GRIP1: variants seen among roughly 807,000 people sequenced by gnomAD.
GRIP1 encodes the protein glutamate receptor interacting protein 1.
A neutral mutation model predicts 129.9 loss-of-function variants in GRIP1; 45 were observed. The observed-to-expected ratio is 0.35, with a 90% CI of 0.27 to 0.44. The LOEUF is 0.44. Among genes scored for constraint, GRIP1 ranks in the 20% least tolerant of loss-of-function variants. The pLI is 1.00. For synonymous variants in GRIP1, 530 were observed against 520.8 expected (o/e 1.02, Z -0.24); for missense variants, 1,196 against 1,396.8 (o/e 0.86, Z 2.29).
At chr12:67,002,382 T>A (rs377156325) in intron 1 of GRIP1, among the ~76,000 whole-genome samples, 5 of 152,188 alleles carry the variant, frequency 3.3e-5, no homozygotes, top group African/African-American at 7.2e-5. Context: ...CCACAAACTA[T>A]ACCAATAGAA....
chr12:66,455,274 G>C (rs2058923460), intron 11 of GRIP1, 135 bp downstream of exon 11: 1 of 822,572 alleles, frequency 1.2e-6, no homozygotes, highest in South Asian at 1.4e-5. Context: ...TTGGCACAGA[G>C]CTGTTAGCTG....
chr12:66,443,751 T>G (rs1483144993), intron 13 of GRIP1, among the ~76,000 whole-genome samples: 1 of 152,162 alleles, frequency 6.6e-6, no homozygotes, highest in Non-Finnish European at 1.5e-5. Context: ...GTACCATGCC[T>G]GGCCTACTGC....
At chr12:66,540,975 AT>A (rs1359276949) in intron 3 of GRIP1, among the ~76,000 whole-genome samples, 2 of 148,510 alleles carry the variant, frequency 1.3e-5, no homozygotes, top group South Asian at 2.1e-4. Flanking sequence ...TTTTTTTTTA[AT>A]TTTTTTTTTA....
intron 1 of GRIP1, among the ~76,000 whole-genome samples, chr12:66,945,291 G>C (rs2041650000): frequency 6.6e-6 from 1 of 152,292 alleles, no homozygotes; most frequent in East Asian, 1.9e-4. Flanking sequence ...GTAGCCAACA[G>C]GTAGTTTTTT....
At chr12:66,373,883 C>T (rs1007957371) in intron 22 of GRIP1, among the ~76,000 whole-genome samples, 2 of 152,150 alleles carry the variant, frequency 1.3e-5, no homozygotes, top group African/African-American at 4.8e-5. Flanking sequence ...GAAAGAGATG[C>T]GTGGACAAGT....
intron 1 of GRIP1, among the ~76,000 whole-genome samples, chr12:66,597,322 C>A (rs2064092438): frequency 6.6e-6 from 1 of 151,916 alleles, no homozygotes; most frequent in Non-Finnish European, 1.5e-5. Context: ...TCAATGGGCA[C>A]TAAGAATAAT....
At chr12:66,728,619 G>T (rs1379931094) in intron 1 of GRIP1, among the ~76,000 whole-genome samples, 2 of 152,090 alleles carry the variant, frequency 1.3e-5, no homozygotes, top group Admixed American at 6.6e-5. Context: ...ACTCAGAAAA[G>T]AAACTGAGAA....
intron 1 of GRIP1, among the ~76,000 whole-genome samples, chr12:66,997,931 AT>A (rs2042493807): frequency 6.6e-6 from 1 of 152,146 alleles, no homozygotes; most frequent in Admixed American, 6.6e-5. Flanking sequence ...AGGGCTGTTG[AT>A]TTTCATGTGT....
chr12:66,657,751 A>G (rs1477252632), intron 1 of GRIP1, among the ~76,000 whole-genome samples: 5 of 152,156 alleles, frequency 3.3e-5, no homozygotes, highest in African/African-American at 1.2e-4. Context: ...CTATTCCCGC[A>G]TATCTAGCAT....
chr12:66,648,470 T>G (rs76606197), intron 1 of GRIP1, among the ~76,000 whole-genome samples: 10,301 of 152,268 alleles, frequency 0.068, 466 homozygotes, highest in Non-Finnish European at 0.096. Context: ...AGTTGTTCAA[T>G]AAATGTTTGC....
At chr12:66,590,691 G>C (rs1475837682) in intron 2 of GRIP1, among the ~76,000 whole-genome samples, 1 of 152,154 alleles carries the variant, frequency 6.6e-6, no homozygotes, top group Non-Finnish European at 1.5e-5. Context: ...GGACTGCACA[G>C]ACATTTTCTG....
At chr12:66,902,717 T>G (rs536479591) in intron 1 of GRIP1, among the ~76,000 whole-genome samples, 1 of 152,334 alleles carries the variant, frequency 6.6e-6, no homozygotes, top group South Asian at 2.1e-4. Context: ...TCTGGGAAAA[T>G]TCACTTAGAC....
intron 1 of GRIP1, among the ~76,000 whole-genome samples, chr12:66,771,964 G>A (rs1161029512): frequency 6.6e-6 from 1 of 152,136 alleles, no homozygotes; most frequent in Non-Finnish European, 1.5e-5. Flanking sequence ...AGGACCACAG[G>A]AAAATTATAA....
chr12:66,810,867 T>A lies in GRIP1; in HGVS notation c.59-213940A>T, dbSNP rs112215145. ...ATAGAGCCACCTGCCTAAACAGTGA[T>A]AATATACCCTAAGTTTGCTCATCTG... On this transcript the variant is annotated intron_variant, in intron 1 of 1. Transcript: ENST00000643019. 1.6e-3 allele frequency among the ~76,000 whole-genome samples: 244 copies of A among 152,348 alleles called. 1 individual carries two copies. Among genetic ancestry groups the A allele is most frequent in the Non-Finnish European group, 2.9e-3 (195 of 68,032 alleles).
At chr12:66,967,052 T>C (rs964449483) in intron 1 of GRIP1, among the ~76,000 whole-genome samples, 3 of 152,222 alleles carry the variant, frequency 2.0e-5, no homozygotes, top group African/African-American at 4.8e-5. Context: ...CATTTACCTA[T>C]TGAAAGATAT....
chr12:66,697,044 G>A (rs1024839780), intron 1 of GRIP1, among the ~76,000 whole-genome samples: 6 of 152,152 alleles, frequency 3.9e-5, no homozygotes, highest in African/African-American at 1.4e-4. Flanking sequence ...CTACTCTGAA[G>A]ACAAGTGTGA....
At chr12:66,655,259 C>G (rs961763410) in intron 1 of GRIP1, among the ~76,000 whole-genome samples, 11 of 152,218 alleles carry the variant, frequency 7.2e-5, no homozygotes, top group Admixed American at 5.2e-4. Context: ...TACACTATTA[C>G]TTTGTGTGCT....
At chr12:66,943,939 A>G (rs114387149) in intron 1 of GRIP1, among the ~76,000 whole-genome samples, 4,714 of 152,258 alleles carry the variant, frequency 0.031, 158 homozygotes, top group African/African-American at 0.076. Flanking sequence ...GATTCACTTG[A>G]CCCAGGTAAG....
intron 1 of GRIP1, among the ~76,000 whole-genome samples, chr12:66,614,639 A>G (rs1315957427): frequency 6.6e-6 from 1 of 152,146 alleles, no homozygotes; most frequent in Non-Finnish European, 1.5e-5. Context: ...TAAAAATTAA[A>G]GAAAATCACA....
Sources: gnomAD v4.1 joint callset for allele counts (sites outside exome capture counted in the v4.1 genomes callset) on GRCh38, gnomAD v4.1.1 for gene constraint, MANE v1.5 for transcripts, NCBI Gene and HGNC (gene_info 2026-07-23, HGNC 2026-07-21) for gene names.